Variants in RBL1 observed in about 807,000 individuals in gnomAD.
RBL1 encodes the protein retinoblastoma-like protein 1.
A neutral mutation model predicts 123.0 loss-of-function variants in RBL1; 82 were observed. The ratio of observed to expected loss-of-function variants is 0.67; its 90% confidence interval spans 0.56 to 0.80. RBL1 has a LOEUF of 0.80. Ranked by LOEUF, RBL1 falls within the 30% of genes least tolerant of loss-of-function variation. The pLI, the probability that RBL1 is intolerant of heterozygous loss-of-function variation, is 0.00. For missense variants in RBL1, 1,171 were observed against 1,299.6 expected (o/e 0.90, Z 1.52); for synonymous variants, 405 against 441.3 (o/e 0.92, Z 1.03).
intron 11 of RBL1, chr20:37,049,203 A>T: frequency 3.3e-6 from 1 of 298,694 alleles, no homozygotes; most frequent in East Asian, 5.7e-5. Flanking sequence ...CTCTGTCCCA[A>T]AAAACAAAAA....
In RBL1 at chr20:37,078,610, T is replaced by C. The variant is rs1014790507; in HGVS notation, c.290+10379A>G. Among the ~76,000 whole-genome samples, 8 of 152,146 alleles carry C rather than the reference T, an allele frequency of 5.3e-5. No individual in the cohort carries two copies. The South Asian group carries it at 6.2e-4, about 12-fold the overall frequency. On this transcript the variant is annotated intron_variant, in intron 2 of 21. Coordinates refer to ENST00000373664, the MANE Select transcript of RBL1 (RefSeq NM_002895.5). Reference sequence around the variant, plus strand: ...TCAGAGAAAACACGTCTGCTAAGCATTGGAATCAGCCATTTCCTTGAGGAC... The same window carrying C: ...TCAGAGAAAACACGTCTGCTAAGCACTGGAATCAGCCATTTCCTTGAGGAC...
At chr20:37,073,787 G>C (rs1474104986) in intron 2 of RBL1, among the ~76,000 whole-genome samples, 1 of 151,604 alleles carries the variant, frequency 6.6e-6, no homozygotes, top group Non-Finnish European at 1.5e-5. Context: ...AGGAGTCTTA[G>C]GTGGGAGGAC....
Position 37,022,587 on chromosome 20 carries a change from A to G in RBL1, c.2559+63T>C, listed in dbSNP as rs903784492. 8.3e-6 allele frequency: 12 copies of G among 1,438,740 alleles called. No individual in the cohort carries two copies. In the East Asian group the frequency reaches 1.2e-4, roughly 14 times the overall value. 89.1% of individuals were successfully genotyped at this position (1,438,740 alleles called of 1,614,324 possible). A position where few individuals can be genotyped will look rare whatever the true frequency, so the allele number is the denominator to read the frequency against. On this transcript the variant is annotated intron_variant, in intron 17 of 21. Transcript: ENST00000373664. Reference sequence around the variant, plus strand: ...AGCTATCTGCTCACCTTGACCTCCGAAAGTGCTAGGATTATACGTGTGAGC... The same window carrying G: ...AGCTATCTGCTCACCTTGACCTCCGGAAGTGCTAGGATTATACGTGTGAGC...
intron 16 of RBL1, among the ~76,000 whole-genome samples, chr20:37,026,194 G>A (rs1423644005): frequency 6.6e-6 from 1 of 152,096 alleles, no homozygotes; most frequent in Non-Finnish European, 1.5e-5. Context: ...CACTATGCCC[G>A]AGGTCAGAAA....
At chr20:37,007,352 CTT>C (rs1220996041) in intron 20 of RBL1, 57 bp downstream of exon 20, 1 of 1,551,322 alleles carries the variant, frequency 6.4e-7, no homozygotes. Context: ...GCAAAATAAA[CTT>C]ATAGTAATCC....
chr20:37,058,448 G>A (rs372081229), intron 9 of RBL1, among the ~76,000 whole-genome samples: 4 of 151,582 alleles, frequency 2.6e-5, no homozygotes, highest in African/African-American at 9.7e-5. Context: ...CTGGGAGGTG[G>A]AGGTTGCAGT....
rs933962308 is a variant in RBL1, at chr20:37,008,499, G to C, written c.2723-940C>G. On this transcript the variant is annotated intron_variant, in intron 19 of 21. Transcript: ENST00000373664. The stretch of plus-strand genomic sequence containing the variant: ...GTTTCCTACTTAATGGTGCAACTCT[G>C]GGATAGCTTGTGAAACCAGGCAGAA... Among the ~76,000 whole-genome samples, 5 of 152,222 alleles carry C rather than the reference G, an allele frequency of 3.3e-5. No individual in the cohort carries two copies. The Middle Eastern group carries it at 0.01, about 311-fold the overall frequency.
chr20:37,018,476 TG>T, intron 18 of RBL1, 107 bp from the exon 19 acceptor site: 1 of 1,403,364 alleles, frequency 7.1e-7, no homozygotes, highest in Non-Finnish European at 9.4e-7. Flanking sequence ...ACTATTTGTC[TG>T]TATAAGTGAT....
chr20:37,064,854 G>A (rs2065153287), intron 7 of RBL1, among the ~76,000 whole-genome samples: 1 of 151,862 alleles, frequency 6.6e-6, no homozygotes, highest in Non-Finnish European at 1.5e-5. Context: ...TCAAACTCCT[G>A]ACCTCAAGTG....
chr20:37,058,144 A>AAAAAAAAAAAAAAC (rs2065042716), intron 9 of RBL1, among the ~76,000 whole-genome samples: 1 of 125,104 alleles, frequency 8.0e-6, no homozygotes, highest in Non-Finnish European at 1.7e-5. Context: ...ACAAAACAAA[A>AAAAAAAAAAAAAAC]AAAAAAAAGC....
chr20:37,069,366 C>T (rs1200549219), intron 2 of RBL1, among the ~76,000 whole-genome samples: 1 of 150,620 alleles, frequency 6.6e-6, no homozygotes, highest in East Asian at 2.0e-4. Context: ...CGTCTCCGCC[C>T]GGCCGCCATC....
chr20:37,057,770 C>T (rs2065031916), intron 9 of RBL1, among the ~76,000 whole-genome samples: 1 of 152,074 alleles, frequency 6.6e-6, no homozygotes, highest in African/African-American at 2.4e-5. Context: ...AGGTGGATCA[C>T]TTGAGGCCAG....
chr20:37,008,876 G>A (rs940634856), intron 19 of RBL1, among the ~76,000 whole-genome samples: 1 of 152,048 alleles, frequency 6.6e-6, no homozygotes, highest in African/African-American at 2.4e-5. Flanking sequence ...ATAAAGTTGA[G>A]GAAATGCTGT....
At chr20:37,010,662 G>C (rs540713309) in intron 19 of RBL1, among the ~76,000 whole-genome samples, 75 of 152,112 alleles carry the variant, frequency 4.9e-4, no homozygotes, top group Admixed American at 3.6e-3. Flanking sequence ...TCTAAACATA[G>C]AAAAGGTACA....
intron 16 of RBL1, 71 bp downstream of exon 16, chr20:37,032,594 T>A: frequency 2.5e-6 from 4 of 1,569,324 alleles, no homozygotes; most frequent in Middle Eastern, 1.8e-4. Context: ...AAGACCAAAG[T>A]CTGTCTCTGT....
At chr20:37,060,210 A>G (rs181035918) in intron 9 of RBL1, among the ~76,000 whole-genome samples, 1 of 151,222 alleles carries the variant, frequency 6.6e-6, no homozygotes, top group Admixed American at 6.6e-5. Flanking sequence ...ATAAATAAAT[A>G]AATCCATTTT....
In RBL1 at chr20:37,067,132, G is replaced by GGA; in HGVS notation, c.557-12_557-11insTC. ...TCATCCGAAAATTACCTTTATAAGG[G>GGA]AAAAAAAAAAAAAAAAGACACAAAA... On this transcript the variant is annotated splice_polypyrimidine_tract_variant and intron_variant, in intron 4 of 21. Coordinates refer to ENST00000373664, the MANE Select transcript of RBL1 (RefSeq NM_002895.5). 1.4e-6 allele frequency: 2 copies of GGA among 1,424,328 alleles called. No individual in the cohort carries two copies. The highest frequency in any genetic ancestry group is 1.7e-5 in the African/African-American group (1 of 59,100). 88.2% of individuals were successfully genotyped at this position (1,424,328 alleles called of 1,614,324 possible).
intron 16 of RBL1, among the ~76,000 whole-genome samples, chr20:37,028,710 C>T (rs2064461595): frequency 6.6e-6 from 1 of 152,086 alleles, no homozygotes; most frequent in African/African-American, 2.4e-5. Context: ...TGGCCAACTA[C>T]TTACTCAAAG....
rs188939161 is a variant in RBL1 at position 37,007,835 on chromosome 20, C to T, written c.2723-276G>A. Among the ~76,000 whole-genome samples the T allele has an allele frequency of 2.0e-5, 3 of 152,206 alleles. No individual in the cohort carries two copies. The East Asian group carries it at 5.8e-4, about 29-fold the overall frequency. ...CCAACTCCTGGGCTCAAGTGATCCA[C>T]CAGCCTCAGCCTCTCAAAGTGCTGG... On this transcript the variant is annotated intron_variant, in intron 19 of 21. Transcript: ENST00000373664.
Sources: allele counts gnomAD v4.1 joint callset (sites outside exome capture counted in the v4.1 genomes callset), GRCh38; gene constraint gnomAD v4.1.1; transcripts MANE v1.5; gene names NCBI Gene and HGNC (gene_info 2026-07-23, HGNC 2026-07-21).